Variants in CACNA2D3 observed in about 807,000 individuals in gnomAD.
The protein encoded by CACNA2D3 is voltage-dependent calcium channel subunit alpha-2/delta-3.
Under a neutral mutation model 160.6 loss-of-function variants are expected in CACNA2D3, and 60 were observed. The observed-to-expected ratio is 0.37, with a 90% CI of 0.30 to 0.46. The LOEUF (loss-of-function observed/expected upper bound fraction) is 0.46, where lower values mean the gene tolerates loss of function less well. Among genes scored for constraint, CACNA2D3 ranks in the 20% least tolerant of loss-of-function variants. The pLI is 1.00. For missense variants in CACNA2D3, 1,205 were observed against 1,365.0 expected (o/e 0.88, Z 1.85); for synonymous variants, 558 against 492.9 (o/e 1.13, Z -1.75).
chr3:54,827,573 A>G (rs1329864950), intron 14 of CACNA2D3, among the ~76,000 whole-genome samples: 2 of 152,192 alleles, frequency 1.3e-5, no homozygotes, highest in African/African-American at 4.8e-5. Flanking sequence ...TCACTGTGAC[A>G]TCAGCTGGAC....
intron 2 of CACNA2D3, among the ~76,000 whole-genome samples, chr3:54,265,646 G>GTATATATAGTGTGTGTATA (rs1702493734): frequency 1.4e-5 from 2 of 146,808 alleles, no homozygotes; most frequent in Non-Finnish European, 3.0e-5. Context: ...TATATAGTGT[G>GTATATATAGTGTGTGTATA]TATATATATA....
At chr3:54,381,493 C>A (rs1411949879) in intron 3 of CACNA2D3, among the ~76,000 whole-genome samples, 1 of 152,168 alleles carries the variant, frequency 6.6e-6, no homozygotes, top group East Asian at 1.9e-4. Context: ...ACATAAAATA[C>A]ATGAAGACAA....
At chr3:54,708,082 A>T (rs1700889176) in intron 11 of CACNA2D3, among the ~76,000 whole-genome samples, 1 of 152,204 alleles carries the variant, frequency 6.6e-6, no homozygotes, top group Admixed American at 6.5e-5. Flanking sequence ...GTTTATTTGA[A>T]GCCAAAGTCA....
chr3:54,237,352 G>T (rs1478559368), intron 2 of CACNA2D3, among the ~76,000 whole-genome samples: 1 of 152,106 alleles, frequency 6.6e-6, no homozygotes, highest in Non-Finnish European at 1.5e-5. Context: ...CAGTTCAGAG[G>T]AGAGGGTAAA....
chr3:54,702,229 A>G (rs1295229236), intron 11 of CACNA2D3, among the ~76,000 whole-genome samples: 1 of 152,192 alleles, frequency 6.6e-6, no homozygotes, highest in Non-Finnish European at 1.5e-5. Context: ...AAAACTCTCA[A>G]AAGCAATTGC....
At chr3:54,768,151 T>G (rs1314600345) in intron 13 of CACNA2D3, among the ~76,000 whole-genome samples, 1 of 152,168 alleles carries the variant, frequency 6.6e-6, no homozygotes, top group Non-Finnish European at 1.5e-5. Flanking sequence ...CCTAGACTTT[T>G]CATTAGTCTT....
At chr3:54,193,627 GCTAT>G (rs912184133) in intron 2 of CACNA2D3, among the ~76,000 whole-genome samples, 3 of 152,186 alleles carry the variant, frequency 2.0e-5, no homozygotes, top group African/African-American at 7.2e-5. Context: ...CCAGTGGGTG[GCTAT>G]CTAACCTGGG....
intron 14 of CACNA2D3, among the ~76,000 whole-genome samples, chr3:54,832,026 C>CAT (rs1559598696): frequency 2.0e-4 from 30 of 148,594 alleles, no homozygotes; most frequent in African/African-American, 7.5e-4. Context: ...CACACACACA[C>CAT]ACACACACAC....
At chr3:54,541,830 T>C (rs1012005524) in intron 5 of CACNA2D3, among the ~76,000 whole-genome samples, 4 of 152,092 alleles carry the variant, frequency 2.6e-5, no homozygotes, top group African/African-American at 9.7e-5. Context: ...GAAATTTAAA[T>C]AAGATCTGTA....
At chr3:54,387,658 A>ATAAGTAAGTAAGTAAGTAAG (rs3028847) in intron 4 of CACNA2D3, among the ~76,000 whole-genome samples, 38 of 151,268 alleles carry the variant, frequency 2.5e-4, no homozygotes, top group African/African-American at 9.3e-4. Context: ...TCTCAAATAA[A>ATAAGTAAGTAAGTAAGTAAG]TAAGTAAGTA....
chr3:54,393,234 AGTGCTCTCCACTGG>A (rs1308988105), intron 4 of CACNA2D3, among the ~76,000 whole-genome samples: 2 of 152,208 alleles, frequency 1.3e-5, no homozygotes, highest in Non-Finnish European at 2.9e-5. Flanking sequence ...GGAGACTTGT[AGTGCTCTCCACTGG>A]GGACTCCTAC....
At chr3:54,467,661 A>G (rs1353527680) in intron 4 of CACNA2D3, among the ~76,000 whole-genome samples, 3 of 152,220 alleles carry the variant, frequency 2.0e-5, no homozygotes, top group Admixed American at 2.0e-4. Flanking sequence ...TCAGTCATAT[A>G]TGGAATGTAA....
At chr3:54,757,416 C>A (rs553718965) in intron 12 of CACNA2D3, among the ~76,000 whole-genome samples, 1 of 152,292 alleles carries the variant, frequency 6.6e-6, no homozygotes, top group Admixed American at 6.5e-5. Flanking sequence ...TAAAAAGATT[C>A]TTAACCTCAT....
chr3:54,899,507 C>T (rs143253504), intron 26 of CACNA2D3, among the ~76,000 whole-genome samples: 28 of 152,214 alleles, frequency 1.8e-4, no homozygotes, highest in African/African-American at 6.0e-4. Flanking sequence ...TGTGGTCCCT[C>T]GATGGTGGTC....
intron 3 of CACNA2D3, among the ~76,000 whole-genome samples, chr3:54,345,149 G>A (rs546285878): frequency 6.6e-6 from 1 of 152,352 alleles, no homozygotes; most frequent in East Asian, 1.9e-4. Context: ...TGTCTGTGGA[G>A]TAGCCATTCT....
At chr3:54,912,003 G>T (rs1700565932) in intron 27 of CACNA2D3, among the ~76,000 whole-genome samples, 1 of 152,210 alleles carries the variant, frequency 6.6e-6, no homozygotes. Context: ...AGGCTGAAAT[G>T]AAAGTGTTGT....
intron 35 of CACNA2D3, among the ~76,000 whole-genome samples, chr3:55,046,251 C>T (rs572063256): frequency 1.2e-4 from 17 of 141,604 alleles, no homozygotes; most frequent in South Asian, 4.6e-4. Context: ...TCCCTCCCCC[C>T]GTCCCCCACC....
At chr3:54,653,366 CTCTT>C (rs1699812851) in intron 11 of CACNA2D3, among the ~76,000 whole-genome samples, 1 of 152,078 alleles carries the variant, frequency 6.6e-6, no homozygotes, top group South Asian at 2.1e-4. Flanking sequence ...TTTCCTCTTT[CTCTT>C]TCTTTCTCCT....
At chr3:54,578,873 C>T (rs1186471259) in intron 8 of CACNA2D3, among the ~76,000 whole-genome samples, 1 of 152,220 alleles carries the variant, frequency 6.6e-6, no homozygotes, top group Non-Finnish European at 1.5e-5. Flanking sequence ...ATTAGCAAGG[C>T]AGTTTCAGGT....
Sources: gnomAD v4.1 joint callset for allele counts (sites outside exome capture counted in the v4.1 genomes callset) on GRCh38, gnomAD v4.1.1 for gene constraint, MANE v1.5 for transcripts, NCBI Gene and HGNC (gene_info 2026-07-23, HGNC 2026-07-21) for gene names.